MARCHF1: variants seen among roughly 807,000 people sequenced by gnomAD.
MARCHF1 encodes E3 ubiquitin-protein ligase MARCHF1.
A neutral mutation model predicts 54.2 loss-of-function variants in MARCHF1; 40 were observed. The observed-to-expected ratio is 0.74, with a 90% CI of 0.57 to 0.96. The LOEUF is 0.96. Among genes scored for constraint, MARCHF1 ranks in the 40% least tolerant of loss-of-function variants. The pLI is 0.00. For missense variants in MARCHF1, 586 were observed against 656.5 expected (o/e 0.89, Z 1.17); for synonymous variants, 236 against 236.3 (o/e 1.00, Z 0.01).
intron 1 of MARCHF1, among the ~76,000 whole-genome samples, chr4:164,297,075 C>T (rs1239526498): frequency 6.6e-6 from 1 of 152,018 alleles, no homozygotes; most frequent in Non-Finnish European, 1.5e-5. Flanking sequence ...AAAGACTTAT[C>T]GTATTAAGAA....
intron 9 of MARCHF1, 148 bp from the exon 10 acceptor site, chr4:163,529,194 A>G (rs1343823712): frequency 3.1e-6 from 2 of 643,482 alleles, no homozygotes; most frequent in Non-Finnish European, 5.4e-6. Context: ...AACTAGAAAG[A>G]ATTATAACCC....
At position 163,687,126 on chromosome 4, in the gene MARCHF1, C is replaced by A. The variant is rs149431671; in HGVS notation, c.162+13687G>T. Among the ~76,000 whole-genome samples the A allele has an allele frequency of 4.8e-3, 732 of 152,086 alleles. 6 individuals are homozygous for A. The highest frequency in any genetic ancestry group is 0.017 in the African/African-American group (687 of 41,508). ...AATCCTTTAAAAATATTGGAAATAT[C>A]AAGTTGGGGAAACAAGAAAGTACTT... On this transcript the variant is annotated intron_variant, in intron 5 of 9. Coordinates refer to ENST00000514618, the MANE Select transcript of MARCHF1 (RefSeq NM_001394959.1).
At chr4:164,118,861 TAA>T (rs1755996410) in intron 1 of MARCHF1, among the ~76,000 whole-genome samples, 1 of 150,692 alleles carries the variant, frequency 6.6e-6, no homozygotes, top group Non-Finnish European at 1.5e-5. Context: ...AATAAAGATA[TAA>T]GAGTTATAAG....
chr4:163,815,250 A>G (rs1748501835), intron 4 of MARCHF1, among the ~76,000 whole-genome samples: 1 of 152,138 alleles, frequency 6.6e-6, no homozygotes, highest in South Asian at 2.1e-4. Context: ...GTGATAATCA[A>G]TGTGCATACT....
intron 4 of MARCHF1, among the ~76,000 whole-genome samples, chr4:163,742,848 T>C (rs142396805): frequency 3.9e-5 from 6 of 152,148 alleles, no homozygotes; most frequent in Non-Finnish European, 7.3e-5. Context: ...TATCACCCAA[T>C]TGATTTTGTT....
chr4:163,759,795 T>C (rs1259453381), intron 4 of MARCHF1, among the ~76,000 whole-genome samples: 1 of 152,216 alleles, frequency 6.6e-6, no homozygotes, highest in Non-Finnish European at 1.5e-5. Context: ...TATGGGAACA[T>C]TTACCTTTAT....
At chr4:164,021,250 A>G (rs1753657487) in intron 2 of MARCHF1, among the ~76,000 whole-genome samples, 1 of 152,072 alleles carries the variant, frequency 6.6e-6, no homozygotes, top group Admixed American at 6.6e-5. Flanking sequence ...GCCAGTGGCT[A>G]CTTTCCTCAT....
At position 164,212,068 on chromosome 4, in the gene MARCHF1, GTGA is replaced by G. The variant is rs143268270; in HGVS notation, c.-322-100409_-322-100407del. Among the ~76,000 whole-genome samples the G allele has an allele frequency of 4.5e-3, 682 of 151,990 alleles. 2 individuals are homozygous for G. The highest frequency in any genetic ancestry group is 5.8e-3 in the Non-Finnish European group (392 of 67,962). ...AAGCAACTAATAATTTGCTCTCAAA[GTGA>G]TGATGATGATGATGATAAAAAATGG... is the stretch of plus-strand genomic sequence containing the variant. On this transcript the variant is annotated intron_variant, in intron 1 of 9. Transcript: ENST00000514618.
At chr4:164,148,181 A>C (rs1729820357) in intron 1 of MARCHF1, among the ~76,000 whole-genome samples, 1 of 151,650 alleles carries the variant, frequency 6.6e-6, no homozygotes, top group African/African-American at 2.4e-5. Context: ...TCACGAATTC[A>C]ACCAAGAAAC....
chr4:163,791,259 A>T (rs1747767264), intron 4 of MARCHF1, among the ~76,000 whole-genome samples: 1 of 152,156 alleles, frequency 6.6e-6, no homozygotes. Flanking sequence ...GTACTTTTAC[A>T]GGCTACTATT....
chr4:163,615,394 T>A (rs1279709411), intron 5 of MARCHF1, among the ~76,000 whole-genome samples: 1 of 151,924 alleles, frequency 6.6e-6, no homozygotes, highest in African/African-American at 2.4e-5. Flanking sequence ...AGGATACACA[T>A]CAACATACAA....
chr4:163,528,791 A>G lies in MARCHF1; in HGVS notation c.1595T>C (p.Leu532Pro). 6.2e-7 allele frequency: 1 copy of G among 1,613,126 alleles called. No homozygotes were observed. Residue 532 changes from leucine (L) to proline (P), a missense_variant, in exon 10 of 10, where the codon CTG becomes CCG. Physicochemically the swap from Leu to Pro is moderately conservative, Grantham distance 98. This residue lies in a region of MARCHF1 where 106 missense variants were observed against 93.8 expected (regional missense o/e 1.13). Transcript: ENST00000514618. ...AGGGGGGCCACCCTCTGCAGATGGCAGTGAATTTGCACCTGTTTGTGGTAC... is the reference window on the plus strand; with the variant it reads ...AGGGGGGCCACCCTCTGCAGATGGCGGTGAATTTGCACCTGTTTGTGGTAC... ...VPVPQTGANS[L>P]PSAEGGPPEV...
chr4:164,323,674 T>C (rs1735201886), intron 1 of MARCHF1, among the ~76,000 whole-genome samples: 1 of 137,256 alleles, frequency 7.3e-6, no homozygotes, highest in Admixed American at 7.3e-5. Context: ...AGACATTAAA[T>C]TTAAAAAATT....
intron 3 of MARCHF1, among the ~76,000 whole-genome samples, chr4:163,897,632 T>C (rs1288359199): frequency 2.0e-5 from 3 of 152,002 alleles, no homozygotes; most frequent in South Asian, 2.1e-4. Flanking sequence ...GAACACACTA[T>C]TCAATAAAAG....
At chr4:163,880,953 C>A (rs1750402451) in intron 3 of MARCHF1, among the ~76,000 whole-genome samples, 1 of 152,090 alleles carries the variant, frequency 6.6e-6, no homozygotes, top group African/African-American at 2.4e-5. Context: ...CATTATTCCA[C>A]ACTCAGGGAA....
At chr4:164,070,870 C>T (rs1276251364) in intron 2 of MARCHF1, among the ~76,000 whole-genome samples, 1 of 152,160 alleles carries the variant, frequency 6.6e-6, no homozygotes, top group Non-Finnish European at 1.5e-5. Flanking sequence ...AGAAGTCCCA[C>T]AAGTTGTGGG....
intron 7 of MARCHF1, among the ~76,000 whole-genome samples, chr4:163,592,716 G>C (rs1740631716): frequency 6.6e-6 from 1 of 152,146 alleles, no homozygotes; most frequent in South Asian, 2.1e-4. Flanking sequence ...GAGATGGTTC[G>C]ATGCCATTGA....
At chr4:164,040,409 C>G (rs775354434) in intron 2 of MARCHF1, among the ~76,000 whole-genome samples, 1 of 143,156 alleles carries the variant, frequency 7.0e-6, no homozygotes, top group Non-Finnish European at 1.5e-5. Flanking sequence ...TTCATATATA[C>G]TTATATATCC....
At chr4:164,240,425 A>C (rs1732706244) in intron 1 of MARCHF1, among the ~76,000 whole-genome samples, 1 of 150,924 alleles carries the variant, frequency 6.6e-6, no homozygotes, top group African/African-American at 2.4e-5. Context: ...TCCAATGGAG[A>C]CTCCTCATTC....
Sources: allele counts gnomAD v4.1 joint callset (sites outside exome capture counted in the v4.1 genomes callset), GRCh38; gene constraint gnomAD v4.1.1; regional missense constraint gnomAD v4.1.1; transcripts MANE v1.5; gene names NCBI Gene and HGNC (gene_info 2026-07-23, HGNC 2026-07-21).